ATRNL1: variants seen among roughly 807,000 people sequenced by gnomAD.
ATRNL1 encodes the protein attractin-like protein 1.
Under a neutral mutation model 182.7 loss-of-function variants are expected in ATRNL1, and 95 were observed. The observed-to-expected ratio is 0.52, with a 90% CI of 0.44 to 0.62. The LOEUF is 0.62. Among genes scored for constraint, ATRNL1 ranks in the 20% least tolerant of loss-of-function variants. The pLI, the probability that ATRNL1 is intolerant of heterozygous loss-of-function variation, is 0.00. For missense variants in ATRNL1, 1,471 were observed against 1,679.5 expected (o/e 0.88, Z 2.17); for synonymous variants, 576 against 568.3 (o/e 1.01, Z -0.19).
At chr10:115,231,858 G>A (rs1224690468) in intron 9 of ATRNL1, among the ~76,000 whole-genome samples, 1 of 152,064 alleles carries the variant, frequency 6.6e-6, no homozygotes, top group South Asian at 2.1e-4. Flanking sequence ...GTGAGAATGA[G>A]GGATAGTGGA....
intron 20 of ATRNL1, among the ~76,000 whole-genome samples, chr10:115,402,568 A>G (rs550538475): frequency 1.2e-4 from 19 of 152,298 alleles, no homozygotes; most frequent in African/African-American, 4.3e-4. Flanking sequence ...GTACATATAA[A>G]TGGCACTCTT....
At position 115,598,350 on chromosome 10, in the gene ATRNL1, A is replaced by AT. The variant is rs60852354; in HGVS notation, c.3795+48816dup. 9.7e-3 allele frequency among the ~76,000 whole-genome samples: 1,408 copies of AT among 145,842 alleles called. 20 individuals carry two copies. Among genetic ancestry groups the AT allele is most frequent in the African/African-American group, 0.031 (1,199 of 38,774 alleles). On this transcript the variant is annotated intron_variant, in intron 26 of 28. Transcript: ENST00000355044. The stretch of plus-strand genomic sequence containing the variant: ...CATTTTACATTATTTATTTAAAAAA[A>AT]TTATTTATTTATTTATTTATTTATT...
intron 27 of ATRNL1, among the ~76,000 whole-genome samples, chr10:115,747,764 G>A (rs897824651): frequency 3.3e-5 from 5 of 152,074 alleles, no homozygotes; most frequent in Admixed American, 3.3e-4. Context: ...ATAAACAACA[G>A]AAATTTATTT....
intron 9 of ATRNL1, among the ~76,000 whole-genome samples, chr10:115,224,232 G>A (rs1010948829): frequency 2.6e-5 from 4 of 151,412 alleles, no homozygotes; most frequent in Non-Finnish European, 4.4e-5. Flanking sequence ...ACCGCGCCTG[G>A]CCAAAAAACC....
intron 28 of ATRNL1, among the ~76,000 whole-genome samples, chr10:115,923,571 C>A (rs1426211437): frequency 6.6e-6 from 1 of 152,158 alleles, no homozygotes; most frequent in Non-Finnish European, 1.5e-5. Flanking sequence ...ATCCATGTCC[C>A]TGCAAAGGAC....
rs879988774 is a variant in ATRNL1 at position 115,166,458 on chromosome 10, AT to A, written c.1092+827del. ...AAATCGTATGGTAATTCTATGTTTA[AT>A]TTTTTTTTTTTTTAGCACTGCCATA... On this transcript the variant is annotated intron_variant, in intron 7 of 28. Transcript: ENST00000355044. Among the ~76,000 whole-genome samples the A allele has an allele frequency of 1.8e-3, 260 of 140,912 alleles. 1 individual carries two copies. The highest frequency in any genetic ancestry group is 0.011 in the Middle Eastern group (3 of 278). The allele number at this position is 140,912 out of a possible 152,430, so 92.4% of individuals were successfully genotyped here.
At chr10:115,730,789 T>C (rs1456292141) in intron 27 of ATRNL1, among the ~76,000 whole-genome samples, 2 of 152,006 alleles carry the variant, frequency 1.3e-5, no homozygotes, top group Admixed American at 6.6e-5. Context: ...AGATATATAG[T>C]TGTGTATATG....
At chr10:115,941,589 G>A (rs1953731968) in intron 28 of ATRNL1, among the ~76,000 whole-genome samples, 1 of 152,204 alleles carries the variant, frequency 6.6e-6, no homozygotes, top group South Asian at 2.1e-4. Flanking sequence ...TTTGGATGTT[G>A]TGATCATTGA....
chr10:115,281,512 T>C, intron 14 of ATRNL1, 25 bp downstream of exon 14: 1 of 1,609,492 alleles, frequency 6.2e-7, no homozygotes, highest in Admixed American at 1.7e-5. Context: ...ATTTAGTAAA[T>C]GAGTTTATGG....
chr10:115,094,396 C>T (rs147945278), intron 1 of ATRNL1, among the ~76,000 whole-genome samples: 2 of 152,322 alleles, frequency 1.3e-5, no homozygotes, highest in African/African-American at 4.8e-5. Context: ...ATTTAAAAAT[C>T]AGAAATTGTC....
At position 115,574,368 on chromosome 10, in the gene ATRNL1, A is replaced by G. The variant is rs541520640; in HGVS notation, c.3795+24832A>G. Among the ~76,000 whole-genome samples the G allele has an allele frequency of 2.6e-5, 4 of 151,626 alleles. No individual in the cohort carries two copies. In the South Asian group the frequency reaches 8.3e-4, roughly 31 times the overall value. Reference sequence around the variant, plus strand: ...TATATATAAATGTATATATATATACACACATGAAGCATGAATGAAACTCTT... The same window carrying G: ...TATATATAAATGTATATATATATACGCACATGAAGCATGAATGAAACTCTT... On this transcript the variant is annotated intron_variant, in intron 26 of 28. Transcript: ENST00000355044.
At chr10:115,499,939 T>C (rs1263420365) in intron 24 of ATRNL1, among the ~76,000 whole-genome samples, 1 of 152,214 alleles carries the variant, frequency 6.6e-6, no homozygotes, top group Non-Finnish European at 1.5e-5. Context: ...AAAATAAGTT[T>C]CTGGTCTCAG....
At chr10:115,346,757 G>C (rs554592550) in intron 19 of ATRNL1, among the ~76,000 whole-genome samples, 1 of 151,864 alleles carries the variant, frequency 6.6e-6, no homozygotes, top group East Asian at 1.9e-4. Flanking sequence ...AATTGAAAAA[G>C]TTCTATATAT....
At chr10:115,345,584 T>C (rs1855940672) in intron 19 of ATRNL1, among the ~76,000 whole-genome samples, 1 of 152,328 alleles carries the variant, frequency 6.6e-6, no homozygotes, top group South Asian at 2.1e-4. Context: ...ACCTGATTTT[T>C]GGTTTTATGA....
At chr10:115,106,619 G>A (rs1486247772) in intron 1 of ATRNL1, among the ~76,000 whole-genome samples, 8 of 152,132 alleles carry the variant, frequency 5.3e-5, no homozygotes, top group African/African-American at 9.7e-5. Flanking sequence ...AGTCTTTCCC[G>A]TGCTATTCTC....
rs71010046 is a variant in ATRNL1 at position 115,738,154 on chromosome 10, T to TTTTTTTTTTTTTTTTTTTTTTTTTTTTC, written c.3903+10801_3903+10802insTTTTTTTTTTTTTTTTTTTTTTTTTCTT. Among the ~76,000 whole-genome samples the TTTTTTTTTTTTTTTTTTTTTTTTTTTTC allele has an allele frequency of 3.4e-4, 22 of 63,914 alleles. 7 individuals are homozygous for TTTTTTTTTTTTTTTTTTTTTTTTTTTTC. The highest frequency in any genetic ancestry group is 1.9e-3 in the Admixed American group (7 of 3,694). 41.9% of individuals were successfully genotyped at this position (63,914 alleles called of 152,430 possible). ...TTTTTTTTTTTTTTTTTTTTTTTTT[T>TTTTTTTTTTTTTTTTTTTTTTTTTTTTC]TTGAGATGGAGTCCTGCTCTGTCGC... On this transcript the variant is annotated intron_variant, in intron 27 of 28. Coordinates refer to ENST00000355044, the MANE Select transcript of ATRNL1 (RefSeq NM_207303.4).
At chr10:115,218,134 A>G (rs1849301667) in intron 9 of ATRNL1, among the ~76,000 whole-genome samples, 1 of 151,878 alleles carries the variant, frequency 6.6e-6, no homozygotes, top group Admixed American at 6.6e-5. Flanking sequence ...ACTCACCATA[A>G]TGTAGAATAA....
chr10:115,431,294 A>G (rs1355506940), intron 21 of ATRNL1, among the ~76,000 whole-genome samples: 1 of 151,024 alleles, frequency 6.6e-6, no homozygotes, highest in Non-Finnish European at 1.5e-5. Context: ...AATCCCAGCT[A>G]TGTGGGAGGC....
chr10:115,268,742 T>A (rs940664754), intron 13 of ATRNL1, among the ~76,000 whole-genome samples: 8 of 152,192 alleles, frequency 5.3e-5, no homozygotes, highest in Non-Finnish European at 1.2e-4. Context: ...TGTTGTCTTC[T>A]GTTCCTATGA....
Sources: gnomAD v4.1 joint callset for allele counts (sites outside exome capture counted in the v4.1 genomes callset) on GRCh38, gnomAD v4.1.1 for gene constraint, MANE v1.5 for transcripts, NCBI Gene and HGNC (gene_info 2026-07-23, HGNC 2026-07-21) for gene names.